Variants in PACRG observed in about 807,000 individuals in gnomAD.
PACRG encodes the protein parkin coregulated gene protein.
Under a neutral mutation model 29.7 loss-of-function variants are expected in PACRG, and 29 were observed. The observed-to-expected ratio is 0.98, with a 90% confidence interval of 0.73 to 1.33. The LOEUF (loss-of-function observed/expected upper bound fraction) is 1.33. Ranked by LOEUF, PACRG falls within the 40% of genes most tolerant of loss-of-function variation. The pLI is 0.00. For synonymous variants in PACRG, 116 were observed against 118.7 expected, an observed-to-expected ratio of 0.98 and a Z score of 0.15; for missense variants, 279 against 316.2, an observed-to-expected ratio of 0.88 and a Z score of 0.89.
chr6:163,278,545 T>G (rs1371389301), intron 4 of PACRG, among the ~76,000 whole-genome samples: 2 of 152,220 alleles, frequency 1.3e-5, no homozygotes, highest in African/African-American at 4.8e-5. Context: ...TTCATTCTTC[T>G]ACATGTGGCT....
chr6:163,020,973 C>T (rs1806559330), intron 2 of PACRG, among the ~76,000 whole-genome samples: 1 of 152,114 alleles, frequency 6.6e-6, no homozygotes, highest in Non-Finnish European at 1.5e-5. Context: ...TCCATGGCTT[C>T]ATGACACGAT....
At chr6:162,953,857 G>A (rs1302666366) in intron 2 of PACRG, among the ~76,000 whole-genome samples, 2 of 152,066 alleles carry the variant, frequency 1.3e-5, no homozygotes, top group Non-Finnish European at 2.9e-5. Flanking sequence ...TTAGGCTGTG[G>A]TTTGGTTTTG....
intron 4 of PACRG, among the ~76,000 whole-genome samples, chr6:163,201,786 G>A (rs1209534615): frequency 6.6e-6 from 1 of 152,208 alleles, no homozygotes; most frequent in African/African-American, 2.4e-5. Context: ...TCTCCGCTGG[G>A]GTGACATGGG....
chr6:163,148,246 C>T (rs1286179466), intron 4 of PACRG, among the ~76,000 whole-genome samples: 2 of 152,184 alleles, frequency 1.3e-5, no homozygotes, highest in Admixed American at 6.5e-5. Context: ...GGAGTTTTCA[C>T]GTCAGTCATC....
At chr6:162,903,990 GC>G (rs1165616253) in intron 2 of PACRG, among the ~76,000 whole-genome samples, 2 of 152,170 alleles carry the variant, frequency 1.3e-5, no homozygotes, top group Non-Finnish European at 2.9e-5. Context: ...GGGCAGGCCA[GC>G]AGCCTGGAAA....
intron 2 of PACRG, among the ~76,000 whole-genome samples, chr6:162,893,654 C>T (rs1794954721): frequency 6.6e-6 from 1 of 152,152 alleles, no homozygotes; most frequent in Non-Finnish European, 1.5e-5. Context: ...CCCCTTACAC[C>T]TTATGGATTC....
chr6:163,161,429 C>A (rs1778551698), intron 4 of PACRG, among the ~76,000 whole-genome samples: 1 of 152,150 alleles, frequency 6.6e-6, no homozygotes, highest in Admixed American at 6.5e-5. Flanking sequence ...CATATTAGGG[C>A]ATTTTGATGT....
chr6:163,006,383 A>G (rs927849320), intron 2 of PACRG, among the ~76,000 whole-genome samples: 14 of 151,284 alleles, frequency 9.3e-5, no homozygotes, highest in African/African-American at 2.9e-4. Context: ...AAGAAGATAC[A>G]TGTGTGATAC....
intron 2 of PACRG, among the ~76,000 whole-genome samples, chr6:162,860,529 CTT>C (rs1791775653): frequency 6.6e-6 from 1 of 152,146 alleles, no homozygotes; most frequent in African/African-American, 2.4e-5. Flanking sequence ...GGTCTGGAGT[CTT>C]TGATCTGCAA....
chr6:162,947,595 C>CATATATATATAT (rs59243050), intron 2 of PACRG, among the ~76,000 whole-genome samples: 3 of 27,998 alleles, frequency 1.1e-4, no homozygotes, highest in South Asian at 1.7e-3. Flanking sequence ...TATATATAAT[C>CATATATATATAT]ATATATATAT....
At chr6:162,799,630 CTT>C (rs531887803) in intron 1 of PACRG, among the ~76,000 whole-genome samples, 148 of 148,492 alleles carry the variant, frequency 1.0e-3, no homozygotes, top group Middle Eastern at 6.9e-3. Flanking sequence ...AAGTGGGACC[CTT>C]TTTTTTTTCT....
At chr6:162,791,925 C>T (rs868419036) in intron 1 of PACRG, among the ~76,000 whole-genome samples, 16 of 152,052 alleles carry the variant, frequency 1.1e-4, no homozygotes, top group Admixed American at 3.9e-4. Context: ...CACATGCTGA[C>T]GGGTGTGTAG....
chr6:162,894,313 G>A (rs1470047645), intron 2 of PACRG, among the ~76,000 whole-genome samples: 1 of 152,198 alleles, frequency 6.6e-6, no homozygotes, highest in African/African-American at 2.4e-5. Context: ...GAAAAATGCT[G>A]ATAAATATAA....
In PACRG at chr6:162,786,197, G is replaced by A. The variant is rs151029179; in HGVS notation, c.157-27950G>A. Among the ~76,000 whole-genome samples the A allele has an allele frequency of 4.9e-3, 742 of 152,336 alleles. 5 individuals are homozygous for A. Among genetic ancestry groups the A allele is most frequent in the South Asian group, 0.024 (117 of 4,832 alleles). On this transcript the variant is annotated intron_variant, in intron 1 of 4. Coordinates refer to ENST00000366888, the MANE Select transcript of PACRG (RefSeq NM_001080379.2). ...GAGGATTGATTACAGATGGCTCAGA[G>A]AGAGCCTCAGCTTTGAGGTATAAAC...
At chr6:163,266,942 C>T (rs1386074009) in intron 4 of PACRG, among the ~76,000 whole-genome samples, 3 of 152,194 alleles carry the variant, frequency 2.0e-5, no homozygotes, top group Non-Finnish European at 2.9e-5. Flanking sequence ...CATCAAATGG[C>T]TTAACTTCAA....
At chr6:163,091,732 G>T (rs1585194063) in intron 4 of PACRG, among the ~76,000 whole-genome samples, 1 of 151,578 alleles carries the variant, frequency 6.6e-6, no homozygotes, top group African/African-American at 2.4e-5. Flanking sequence ...AATTCTTTCA[G>T]AAAAAAAAGC....
At chr6:163,208,074 T>C (rs1780981906) in intron 4 of PACRG, among the ~76,000 whole-genome samples, 1 of 152,218 alleles carries the variant, frequency 6.6e-6, no homozygotes, top group Non-Finnish European at 1.5e-5. Flanking sequence ...GTCTAACATA[T>C]TGCCACTGTC....
At chr6:163,201,457 C>T (rs771326540) in intron 4 of PACRG, among the ~76,000 whole-genome samples, 1 of 152,220 alleles carries the variant, frequency 6.6e-6, no homozygotes, top group Non-Finnish European at 1.5e-5. Context: ...GAGCCTCCCT[C>T]GGCCCCTGGG....
chr6:162,761,522 ATC>A (rs1782358375), intron 1 of PACRG, among the ~76,000 whole-genome samples: 1 of 152,114 alleles, frequency 6.6e-6, no homozygotes, highest in East Asian at 1.9e-4. Context: ...TGCCAGTTAT[ATC>A]TCTTTTAATA....
Sources: gnomAD v4.1 joint callset for allele counts (sites outside exome capture counted in the v4.1 genomes callset) on GRCh38, gnomAD v4.1.1 for gene constraint, MANE v1.5 for transcripts, NCBI Gene and HGNC (gene_info 2026-07-23, HGNC 2026-07-21) for gene names.